NCKAP5: variants seen among roughly 807,000 people sequenced by gnomAD.
NCKAP5 encodes the protein nck-associated protein 5.
NCKAP5 carries 92 observed loss-of-function variants against 167.0 expected under a neutral mutation model. The ratio of observed to expected loss-of-function variants is 0.55; its 90% CI spans 0.47 to 0.66. The LOEUF is 0.66. Among genes scored for constraint, NCKAP5 ranks in the 30% least tolerant of loss-of-function variants. The pLI, the probability that NCKAP5 is intolerant of heterozygous loss-of-function variation, is 0.00. For missense variants in NCKAP5, 2,378 were observed against 2,315.0 expected (o/e 1.03, Z -0.56); for synonymous variants, 891 against 877.4 (o/e 1.02, Z -0.27).
chr2:133,154,945 T>C (rs574223853), intron 5 of NCKAP5, among the ~76,000 whole-genome samples: 5 of 152,340 alleles, frequency 3.3e-5, no homozygotes, highest in African/African-American at 7.2e-5. Context: ...ATTACACACT[T>C]AGGCTCTATA....
rs143658843 is a variant in NCKAP5, at chr2:133,275,515, T to A, written c.143+27522A>T. ...ATACCACCTGTTGATAACAATGCAA[T>A]AAAACAAATTATTTAAAAATAAAAA... On this transcript the variant is annotated intron_variant, in intron 4 of 19. Coordinates refer to ENST00000409261, the MANE Select transcript of NCKAP5 (RefSeq NM_207363.3). Among the ~76,000 whole-genome samples the A allele has an allele frequency of 2.8e-3, 420 of 151,980 alleles. 2 individuals carry two copies. Among genetic ancestry groups the A allele is most frequent in the African/African-American group, 9.6e-3 (397 of 41,482 alleles).
chr2:132,925,308 A>T (rs1283355420), intron 8 of NCKAP5, among the ~76,000 whole-genome samples: 2 of 151,876 alleles, frequency 1.3e-5, no homozygotes, highest in Non-Finnish European at 2.9e-5. Flanking sequence ...TAATCCCAGC[A>T]TTTTGGGAGG....
the NCKAP5 span, among the ~76,000 whole-genome samples, chr2:133,626,724 C>T: frequency 6.6e-6 from 1 of 151,706 alleles, no homozygotes; most frequent in Non-Finnish European, 1.5e-5. Flanking sequence ...TTTTAAATAA[C>T]CTGGAAGTAG....
At chr2:132,808,297 C>A (rs969148225) in intron 11 of NCKAP5, among the ~76,000 whole-genome samples, 4 of 152,058 alleles carry the variant, frequency 2.6e-5, no homozygotes, top group Non-Finnish European at 5.9e-5. Context: ...AAGGTTCCTT[C>A]TTTCTGTTTC....
At chr2:133,444,206 G>C (rs1559489257) in intron 3 of NCKAP5, among the ~76,000 whole-genome samples, 1 of 152,166 alleles carries the variant, frequency 6.6e-6, no homozygotes, top group Non-Finnish European at 1.5e-5. Context: ...AGGAAGGACT[G>C]ATGTCCTCAA....
chr2:133,204,186 T>C (rs973592111), intron 5 of NCKAP5, among the ~76,000 whole-genome samples: 1 of 152,196 alleles, frequency 6.6e-6, no homozygotes, highest in Admixed American at 6.5e-5. Context: ...TTTCTGATGG[T>C]ATTATGGTTT....
rs1184482757 is a variant in NCKAP5, at chr2:132,728,880, T to G, written c.5516A>C (p.Glu1839Ala). The change falls in exon 18 of 20, where the codon GAA (glutamate) becomes GCA (alanine). Residue 1839 changes from glutamate to alanine, a missense_variant. Physicochemically the swap from Glu to Ala is moderately radical, Grantham distance 107 (BLOSUM62 -1). Coordinates refer to ENST00000409261, the MANE Select transcript of NCKAP5 (RefSeq NM_207363.3). ...AAGCGGCTGGCTTGCCATTGGGTCTTCAGCATATCCGAATGATGAGCATGT... is the reference window on the plus strand; with the variant it reads ...AAGCGGCTGGCTTGCCATTGGGTCTGCAGCATATCCGAATGATGAGCATGT... ...PQTCSSFGYA[E>A]DPMASQPLPD... The G allele has an allele frequency of 3.5e-5, 56 of 1,613,914 alleles. No homozygotes were observed. The highest frequency in any genetic ancestry group is 4.7e-5 in the Non-Finnish European group (55 of 1,179,880).
intron 16 of NCKAP5, among the ~76,000 whole-genome samples, chr2:132,758,783 C>T (rs867797484): frequency 6.6e-6 from 1 of 152,108 alleles, no homozygotes; most frequent in Non-Finnish European, 1.5e-5. Flanking sequence ...CAAAGGCAGG[C>T]TGATGTGGCA....
chr2:132,914,495 G>A (rs1694708639), intron 8 of NCKAP5, among the ~76,000 whole-genome samples: 1 of 151,944 alleles, frequency 6.6e-6, no homozygotes, highest in Non-Finnish European at 1.5e-5. Context: ...AGATAGCCCT[G>A]TTTTCTCTTT....
At chr2:133,456,735 T>A (rs1200190321) in intron 3 of NCKAP5, among the ~76,000 whole-genome samples, 1 of 152,208 alleles carries the variant, frequency 6.6e-6, no homozygotes, top group Non-Finnish European at 1.5e-5. Flanking sequence ...AACAATTAGT[T>A]GGATAAAGCA....
chr2:133,444,353 A>AAGATAGATAGAT (rs3085736), intron 3 of NCKAP5, among the ~76,000 whole-genome samples: 33 of 147,804 alleles, frequency 2.2e-4, no homozygotes, highest in South Asian at 4.4e-4. Flanking sequence ...GACAAAAACA[A>AAGATAGATAGAT]AGATAGATAG....
the NCKAP5 span, among the ~76,000 whole-genome samples, chr2:133,625,511 G>T: frequency 6.6e-6 from 1 of 152,114 alleles, no homozygotes; most frequent in African/African-American, 2.4e-5. Flanking sequence ...CAGAAAGCAA[G>T]GAAGCCTTCA....
intron 3 of NCKAP5, among the ~76,000 whole-genome samples, chr2:133,374,089 C>T (rs999542703): frequency 6.6e-6 from 1 of 152,136 alleles, no homozygotes; most frequent in African/African-American, 2.4e-5. Flanking sequence ...TTCATAATTG[C>T]CAAAACTTGG....
intron 4 of NCKAP5, among the ~76,000 whole-genome samples, chr2:133,271,614 G>A (rs2089514501): frequency 6.6e-6 from 1 of 152,142 alleles, no homozygotes; most frequent in Non-Finnish European, 1.5e-5. Flanking sequence ...TCTTCAAAAA[G>A]TCAGTGTTCA....
At chr2:132,905,990 C>G (rs1453682723) in intron 8 of NCKAP5, among the ~76,000 whole-genome samples, 1 of 152,174 alleles carries the variant, frequency 6.6e-6, no homozygotes, top group Non-Finnish European at 1.5e-5. Context: ...TTGTTCCTGA[C>G]TGCAGTAAAT....
At chr2:132,892,834 C>T (rs975424849) in intron 8 of NCKAP5, among the ~76,000 whole-genome samples, 11 of 151,824 alleles carry the variant, frequency 7.2e-5, no homozygotes, top group Non-Finnish European at 1.6e-4. Context: ...GGACTTAATA[C>T]AGTACTTTGA....
the NCKAP5 span, among the ~76,000 whole-genome samples, chr2:133,586,344 A>G: frequency 6.6e-6 from 1 of 152,016 alleles, no homozygotes; most frequent in Non-Finnish European, 1.5e-5. Context: ...ATTCCTGGCC[A>G]GTTCCTGAAG....
At chr2:133,641,425 G>C in the NCKAP5 span, among the ~76,000 whole-genome samples, 972 of 152,316 alleles carry the variant, frequency 6.4e-3, 47 homozygotes, top group South Asian at 0.11. Context: ...CACCAAAAGC[G>C]AAGTTCCTAA....
At chr2:133,278,166 T>C (rs1055943464) in intron 4 of NCKAP5, among the ~76,000 whole-genome samples, 3 of 152,192 alleles carry the variant, frequency 2.0e-5, no homozygotes, top group Non-Finnish European at 4.4e-5. Flanking sequence ...TAGTATGGTA[T>C]ATCAGCTTTC....
Sources: gnomAD v4.1 joint callset for allele counts (sites outside exome capture counted in the v4.1 genomes callset) on GRCh38, gnomAD v4.1.1 for gene constraint, MANE v1.5 for transcripts, NCBI Gene and HGNC (gene_info 2026-07-23, HGNC 2026-07-21) for gene names.